The following ANK3 variants were observed in gnomAD, a reference collection of about 807,000 sequenced individuals.
ANK3 encodes ankyrin-3.
In ANK3, 57 loss-of-function variants were observed where a neutral mutation model predicts 370.9. That is an observed-to-expected ratio of 0.15 (90% confidence interval 0.12 to 0.19). The LOEUF (loss-of-function observed/expected upper bound fraction) is 0.19. Among genes scored for constraint, ANK3 ranks in the 10% least tolerant of loss-of-function variants. The probability of loss-of-function intolerance (pLI) is 1.00; values close to 1 mark genes in which losing one functional copy is unlikely to be tolerated. For missense variants in ANK3, 4,439 were observed against 5,302.1 expected, an observed-to-expected ratio of 0.84 and a Z score of 5.06; for synonymous variants, 1,929 against 1,946.3, an observed-to-expected ratio of 0.99 and a Z score of 0.23.
At position 60,067,210 on chromosome 10, in the gene ANK3, C is replaced by A. The variant is rs1037389767; in HGVS notation, c.12319+725G>T. Among the ~76,000 whole-genome samples the A allele has an allele frequency of 2.0e-5, 3 of 152,194 alleles. No individual in the cohort carries two copies. The South Asian group carries it at 6.2e-4, about 32-fold the overall frequency. On this transcript the variant is annotated intron_variant, in intron 38 of 43. Transcript: ENST00000280772. ...TTACAGGCATGAATTTTATAGAATTCAACTTTTGTGAATTAAATATATTTA... is the reference window on the plus strand; with the variant it reads ...TTACAGGCATGAATTTTATAGAATTAAACTTTTGTGAATTAAATATATTTA...
chr10:60,596,577 C>T (rs915727454), intron 2 of ANK3, among the ~76,000 whole-genome samples: 3 of 151,948 alleles, frequency 2.0e-5, no homozygotes, highest in South Asian at 2.1e-4. Flanking sequence ...TGAGAAGTAC[C>T]GATAGATTTG....
chr10:60,399,523 A>G (rs1381462903), intron 2 of ANK3, among the ~76,000 whole-genome samples: 1 of 152,138 alleles, frequency 6.6e-6, no homozygotes, highest in African/African-American at 2.4e-5. Flanking sequence ...TGGCAGGGAT[A>G]CAAAACCAGG....
At chr10:60,588,569 A>G (rs1321048468) in intron 2 of ANK3, among the ~76,000 whole-genome samples, 1 of 152,150 alleles carries the variant, frequency 6.6e-6, no homozygotes, top group Admixed American at 6.5e-5. Flanking sequence ...GGATGCAACC[A>G]GCAAAATCTA....
At chr10:60,283,151 C>T (rs954930001) in intron 1 of ANK3, among the ~76,000 whole-genome samples, 1 of 152,160 alleles carries the variant, frequency 6.6e-6, no homozygotes, top group South Asian at 2.1e-4. Context: ...GCATAAGTGG[C>T]AGGGCAAATA....
chr10:60,236,456 C>T (rs2097335650), intron 7 of ANK3, among the ~76,000 whole-genome samples: 1 of 152,116 alleles, frequency 6.6e-6, no homozygotes, highest in African/African-American at 2.4e-5. Flanking sequence ...TCCTCTATCC[C>T]ACCTTTTTCC....
intron 2 of ANK3, among the ~76,000 whole-genome samples, chr10:60,595,630 C>G (rs1449771328): frequency 6.6e-6 from 1 of 152,106 alleles, no homozygotes; most frequent in East Asian, 1.9e-4. Context: ...GCTATAATTT[C>G]CAATCCTGTG....
At chr10:60,493,428 T>C (rs1367666844) in intron 2 of ANK3, among the ~76,000 whole-genome samples, 1 of 151,822 alleles carries the variant, frequency 6.6e-6, no homozygotes, top group Non-Finnish European at 1.5e-5. Flanking sequence ...AGGAGAAGAA[T>C]GAGCACAAGA....
At chr10:60,382,588 ACGT>A (rs2061683375) in intron 1 of ANK3, among the ~76,000 whole-genome samples, 1 of 152,064 alleles carries the variant, frequency 6.6e-6, no homozygotes, top group African/African-American at 2.4e-5. Context: ...AAAAACTCTG[ACGT>A]ATATGTGAAT....
intron 2 of ANK3, among the ~76,000 whole-genome samples, chr10:60,496,819 G>C (rs2075670680): frequency 6.6e-6 from 1 of 151,658 alleles, no homozygotes; most frequent in Non-Finnish European, 1.5e-5. Flanking sequence ...CCGGGAGGTA[G>C]GTCAGAGGCA....
In ANK3 at chr10:60,075,875, G is replaced by C. The variant is rs145794254; in HGVS notation, c.5006C>G (p.Pro1669Arg). The change falls in exon 37 of 44, where the codon CCG (proline) becomes CGG (arginine). Residue 1669 changes from proline to arginine, a missense_variant. Around this residue, in one of 13 missense-constraint regions of ANK3, gnomAD observed 679 missense variants for 791.0 expected, o/e 0.86. Coordinates refer to ENST00000280772, the MANE Select transcript of ANK3 (RefSeq NM_020987.5). ...TGACTTTAAAGGTGAAGATATTAGCGGTGCTGCTGATGTAATAATTGACTT... is the reference window on the plus strand; with the variant it reads ...TGACTTTAAAGGTGAAGATATTAGCCGTGCTGCTGATGTAATAATTGACTT... ...PFKSIITSAA[P>R]LISSPLKSVV... 1.9e-6 allele frequency: 3 copies of C among 1,614,102 alleles called. No homozygotes were observed. The highest frequency in any genetic ancestry group is 3.3e-4 in the Middle Eastern group (2 of 6,062).
chr10:60,168,813 C>T (rs1320495434), intron 21 of ANK3, among the ~76,000 whole-genome samples: 2 of 152,110 alleles, frequency 1.3e-5, no homozygotes, highest in African/African-American at 4.8e-5. Flanking sequence ...TCTGTTCCTC[C>T]GTTAGTTTGC....
chr10:60,205,965 T>C (rs377203536), intron 10 of ANK3, 75 bp from the exon 11 acceptor site: 1 of 964,226 alleles, frequency 1.0e-6, no homozygotes, highest in African/African-American at 1.6e-5. Flanking sequence ...CAGTAAATAG[T>C]TTTGCTAAAA....
intron 2 of ANK3, among the ~76,000 whole-genome samples, chr10:60,562,449 T>G (rs572640563): frequency 6.6e-6 from 1 of 152,156 alleles, no homozygotes; most frequent in Non-Finnish European, 1.5e-5. Flanking sequence ...AGTCTCGCTC[T>G]GCCTCCCAGG....
chr10:60,594,919 C>G (rs2077966260), intron 2 of ANK3, among the ~76,000 whole-genome samples: 1 of 151,984 alleles, frequency 6.6e-6, no homozygotes, highest in Middle Eastern at 3.2e-3. Context: ...TTTCAGGCAG[C>G]CATTAGCAAT....
At chr10:60,541,981 G>C (rs2076858908) in intron 2 of ANK3, among the ~76,000 whole-genome samples, 1 of 151,802 alleles carries the variant, frequency 6.6e-6, no homozygotes, top group Non-Finnish European at 1.5e-5. Flanking sequence ...GCTTCCTTGG[G>C]ACTGAGCTGC....
At position 60,721,551 on chromosome 10, in the gene ANK3, A is replaced by G. The variant is rs886134660; in HGVS notation, c.57+11712T>C. The stretch of plus-strand genomic sequence containing the variant: ...TTTTTAAACAGAGGAATGACATCAT[A>G]TCTTTGTTTTGTACATATAAAACAA... On this transcript the variant is annotated intron_variant, in intron 1 of 43. Transcript: ENST00000373827. Among the ~76,000 whole-genome samples the G allele has an allele frequency of 2.0e-5, 3 of 152,226 alleles. No individual in the cohort carries two copies. The East Asian group carries it at 5.8e-4, about 29-fold the overall frequency.
chr10:60,452,624 G>A lies in ANK3; in HGVS notation c.96+162562C>T, dbSNP rs141373786. 4.2e-3 allele frequency among the ~76,000 whole-genome samples: 646 copies of A among 152,336 alleles called. 8 individuals carry two copies. Among genetic ancestry groups the A allele is most frequent in the African/African-American group, 0.014 (598 of 41,574 alleles). On this transcript the variant is annotated intron_variant, in intron 2 of 43. Transcript: ENST00000373827. ...GTTCAGAAAGAGAATCTTCTCATAT[G>A]AAGAGCTTCCAAACTTTATAAAGAT...
At position 60,086,832 on chromosome 10, in the gene ANK3, G is replaced by T; in HGVS notation, c.3593C>A (p.Thr1198Asn). ...TTCCACAGTGACAATTGGGCTAAAA[G>T]TTGCTTTGTTTCCAAGGATCTTTTT... ...IVKKILGNKA[T>N]FSPIVTVEPR... Residue 1198 changes from threonine to asparagine, a missense_variant, in exon 30 of 44, where the codon ACT becomes AAT. By Grantham distance (65) the Thr-to-Asn change is moderately conservative. Transcript: ENST00000280772. The T allele has an allele frequency of 1.2e-6, 2 of 1,613,466 alleles. No homozygotes were observed. Among genetic ancestry groups the T allele is most frequent in the African/African-American group, 2.7e-5 (2 of 74,780 alleles).
chr10:60,346,395 CCCTT>C (rs2055494877), intron 1 of ANK3, among the ~76,000 whole-genome samples: 1 of 151,978 alleles, frequency 6.6e-6, no homozygotes, highest in Admixed American at 6.6e-5. Context: ...ATTAAGGAAA[CCCTT>C]CAATCAAAAC....
Sources: allele counts gnomAD v4.1 joint callset (sites outside exome capture counted in the v4.1 genomes callset), GRCh38; gene constraint gnomAD v4.1.1; regional missense constraint gnomAD v4.1.1; transcripts MANE v1.5; gene names NCBI Gene and HGNC (gene_info 2026-07-23, HGNC 2026-07-21).